Variants in DLG1 observed in about 807,000 individuals in gnomAD.
DLG1 encodes discs large MAGUK scaffold protein 1.
DLG1 carries 42 observed loss-of-function variants against 123.4 expected under a neutral mutation model. That is an observed-to-expected ratio of 0.34 (90% confidence interval 0.27 to 0.44). The LOEUF (loss-of-function observed/expected upper bound fraction) is 0.44, where lower values mean the gene tolerates loss of function less well. DLG1 is among the 20% of genes least tolerant of loss of function. DLG1 has a pLI of 1.00. For missense variants in DLG1, 942 were observed against 1,082.6 expected, an observed-to-expected ratio of 0.87 and a Z score of 1.82; for synonymous variants, 317 against 356.2, an observed-to-expected ratio of 0.89 and a Z score of 1.24.
intron 5 of DLG1, among the ~76,000 whole-genome samples, chr3:197,177,231 G>A (rs1807609171): frequency 6.6e-6 from 1 of 152,102 alleles, no homozygotes; most frequent in Admixed American, 6.6e-5. Flanking sequence ...TCTGCCAAGG[G>A]TCAGCATCTC....
intron 4 of DLG1, among the ~76,000 whole-genome samples, chr3:197,199,677 T>C (rs998088287): frequency 6.6e-6 from 1 of 152,166 alleles, no homozygotes; most frequent in African/African-American, 2.4e-5. Flanking sequence ...AGGGCCATCA[T>C]TACATTACAC....
intron 19 of DLG1, 100 bp downstream of exon 19, chr3:197,069,119 T>C (rs542752445): frequency 1.9e-5 from 13 of 696,296 alleles, no homozygotes; most frequent in African/African-American, 3.7e-5. Flanking sequence ...AACGATCATA[T>C]AACTTCAGGT....
Position 197,119,618 on chromosome 3 carries a change from T to C in DLG1, c.1166-88A>G, listed in dbSNP as rs924975313. 9 of 1,243,888 alleles carry C rather than the reference T, an allele frequency of 7.2e-6. No homozygotes were observed. The African/African-American group carries it at 1.2e-4, about 17-fold the overall frequency. 77.1% of individuals were successfully genotyped at this position (1,243,888 alleles called of 1,614,324 possible). On this transcript the variant is annotated intron_variant, in intron 11 of 24. Coordinates refer to ENST00000667157, the MANE Select transcript of DLG1 (RefSeq NM_001366207.1). ...ATGAGTGATTAATGTGTAATTTATA[T>C]GCACTCCTTTATATATCAGAATTTG...
At chr3:197,122,845 T>C (rs563320102) in intron 11 of DLG1, among the ~76,000 whole-genome samples, 32 of 152,210 alleles carry the variant, frequency 2.1e-4, no homozygotes, top group African/African-American at 7.5e-4. Flanking sequence ...CGATCTGTAA[T>C]GTTTTTGATC....
At chr3:197,100,877 G>A (rs1222768063) in intron 14 of DLG1, among the ~76,000 whole-genome samples, 2 of 152,130 alleles carry the variant, frequency 1.3e-5, no homozygotes, top group African/African-American at 4.8e-5. Context: ...AGTCATACCA[G>A]TTTAGACAAA....
Position 197,084,828 on chromosome 3 carries a change from C to T in DLG1, c.1838+752G>A, listed in dbSNP as rs1261709565. Among the ~76,000 whole-genome samples, 7 of 151,138 alleles carry T rather than the reference C, an allele frequency of 4.6e-5. 1 individual carries two copies. Among genetic ancestry groups the T allele is most frequent in the Non-Finnish European group, 8.8e-5 (6 of 67,830 alleles). ...TTTAGACAGAGTTTTGCTCTGTCTC[C>T]CAGGCTGGAGTGCAGTGGTGCAAAC... On this transcript the variant is annotated intron_variant, in intron 16 of 24. Transcript: ENST00000667157.
At chr3:197,213,235 G>A (rs948405099) in intron 4 of DLG1, among the ~76,000 whole-genome samples, 2 of 152,074 alleles carry the variant, frequency 1.3e-5, no homozygotes, top group Non-Finnish European at 2.9e-5. Context: ...TCTTCAATAA[G>A]AAGAAAACTG....
intron 18 of DLG1, 60 bp from the exon 19 acceptor site, chr3:197,069,320 A>T: frequency 4.2e-6 from 5 of 1,195,736 alleles, no homozygotes; most frequent in Non-Finnish European, 5.9e-6. Flanking sequence ...AAAGCAAATA[A>T]TCAAAATGAA....
chr3:197,135,784 CAA>C (rs1784778265), intron 10 of DLG1, among the ~76,000 whole-genome samples: 1 of 151,416 alleles, frequency 6.6e-6, no homozygotes, highest in Admixed American at 6.6e-5. Context: ...TAATACTAAA[CAA>C]AATTATTTAG....
At chr3:197,156,820 GAAGA>G (rs750411750) in intron 5 of DLG1, among the ~76,000 whole-genome samples, 3 of 152,170 alleles carry the variant, frequency 2.0e-5, no homozygotes, top group Non-Finnish European at 4.4e-5. Context: ...AGACAGAATT[GAAGA>G]AAGAAATGGT....
chr3:197,128,986 GACAGGCT>G (rs1452751773), intron 11 of DLG1, among the ~76,000 whole-genome samples: 1 of 152,198 alleles, frequency 6.6e-6, no homozygotes, highest in Non-Finnish European at 1.5e-5. Context: ...AGAACAGGCA[GACAGGCT>G]TAGCATAATT....
At chr3:197,252,084 G>C (rs529007976) in intron 4 of DLG1, among the ~76,000 whole-genome samples, 1 of 152,120 alleles carries the variant, frequency 6.6e-6, no homozygotes, top group East Asian at 1.9e-4. Context: ...TATGACTAGT[G>C]TGCTAGTTGT....
intron 4 of DLG1, among the ~76,000 whole-genome samples, chr3:197,234,268 AC>A (rs1213488085): frequency 3.3e-5 from 5 of 152,180 alleles, no homozygotes; most frequent in African/African-American, 1.2e-4. Flanking sequence ...CAGGCTTACA[AC>A]CCCAGATGAT....
At chr3:197,153,167 C>G (rs1368266738) in intron 5 of DLG1, among the ~76,000 whole-genome samples, 2 of 152,182 alleles carry the variant, frequency 1.3e-5, no homozygotes, top group African/African-American at 4.8e-5. Context: ...ATTTGAGACA[C>G]ATTGCATTCA....
At chr3:197,075,685 G>A (rs1746790732) in intron 18 of DLG1, 2 of 500,460 alleles carry the variant, frequency 4.0e-6, no homozygotes, top group African/African-American at 2.0e-5. Flanking sequence ...AAAGTCCCAA[G>A]CATGTGATAA....
intron 11 of DLG1, among the ~76,000 whole-genome samples, chr3:197,125,022 G>A (rs1197900119): frequency 6.6e-6 from 1 of 151,980 alleles, no homozygotes; most frequent in East Asian, 1.9e-4. Flanking sequence ...TGGAAGACCT[G>A]GTTTTCAACA....
chr3:197,294,571 T>C (rs1776461961), intron 3 of DLG1, among the ~76,000 whole-genome samples: 1 of 146,306 alleles, frequency 6.8e-6, no homozygotes, highest in Non-Finnish European at 1.5e-5. Flanking sequence ...GGCAGGAGAA[T>C]GGCGTGAACC....
At chr3:197,148,896 T>C (rs1360951420) in intron 6 of DLG1, among the ~76,000 whole-genome samples, 4 of 152,224 alleles carry the variant, frequency 2.6e-5, no homozygotes, top group Admixed American at 2.0e-4. Context: ...AACAAAAATG[T>C]AGCAGTATAT....
intron 5 of DLG1, among the ~76,000 whole-genome samples, chr3:197,168,562 G>C (rs1197591775): frequency 1.3e-5 from 2 of 152,170 alleles, no homozygotes; most frequent in African/African-American, 2.4e-5. Context: ...ATTAGAAAAT[G>C]TCAAACTTAA....
Sources: allele counts gnomAD v4.1 joint callset (sites outside exome capture counted in the v4.1 genomes callset), GRCh38; gene constraint gnomAD v4.1.1; transcripts MANE v1.5; gene names NCBI Gene and HGNC (gene_info 2026-07-23, HGNC 2026-07-21).